The following NBPF8 variants were observed in gnomAD, a reference collection of about 807,000 sequenced individuals.
The protein encoded by NBPF8 is NBPF member 8, also known as NBPF family member NBPF8.
At chr1:120,435,737 G>C (rs1167581532), upstream of NBPF8, among the ~76,000 whole-genome samples, 1 of 151,774 alleles carries the variant, frequency 6.6e-6, no homozygotes, top group African/African-American at 2.4e-5. Context: ...GTGGTGGCGG[G>C]CGCCTGTATT....
chr1:120,450,786 T>C (rs1243090885), intron 11 of NBPF8, among the ~76,000 whole-genome samples: 1 of 152,130 alleles, frequency 6.6e-6, no homozygotes, highest in African/African-American at 2.4e-5. Flanking sequence ...ATCAGTCCCA[T>C]AGTCCTAGGG....
intron 1 of NBPF8, among the ~76,000 whole-genome samples, chr1:120,425,339 T>C (rs1415662225): frequency 6.6e-6 from 1 of 152,152 alleles, no homozygotes; most frequent in Non-Finnish European, 1.5e-5. Flanking sequence ...GCCTTAGGAC[T>C]GGAGGTGGGA....
At chr1:120,428,847 T>C (rs1660791942) in intron 3 of NBPF8, among the ~76,000 whole-genome samples, 1 of 151,724 alleles carries the variant, frequency 6.6e-6, no homozygotes, top group South Asian at 2.1e-4. Flanking sequence ...TAACCCTTTA[T>C]AATACAACTG....
At chr1:120,450,225 A>T (rs1224330540) in intron 11 of NBPF8, among the ~76,000 whole-genome samples, 1 of 151,854 alleles carries the variant, frequency 6.6e-6, no homozygotes, top group African/African-American at 2.4e-5. Context: ...AGACTGTTAA[A>T]AATAATAATA....
At chr1:120,460,488 C>G in intron 17 of NBPF8, 85 bp from the exon 16 acceptor site, 2 of 826,892 alleles carry the variant, frequency 2.4e-6, no homozygotes, top group Non-Finnish European at 4.2e-6. Flanking sequence ...ACTGATGTCC[C>G]TGTGTTAGGA....
intron 13 of NBPF8, among the ~76,000 whole-genome samples, chr1:120,452,770 G>A (rs1212305886): frequency 2.0e-5 from 3 of 151,958 alleles, no homozygotes; most frequent in Non-Finnish European, 2.9e-5. Flanking sequence ...TGCAAGGGTC[G>A]AAGCATTCAA....
chr1:120,464,386 G>C, exon 23 of NBPF8: 1 of 767,696 alleles, frequency 1.3e-6, no homozygotes, highest in Non-Finnish European at 2.4e-6. Flanking sequence ...GCTCAGCAGG[G>C]AGCTGCTGGA....
At chr1:120,467,755 T>A (rs1351634167), downstream of NBPF8, 1 of 152,186 alleles carries the variant, frequency 6.6e-6, no homozygotes, top group African/African-American at 2.4e-5. Context: ...GACTTTTGGA[T>A]TGTTTTTCAC....
upstream of NBPF8, among the ~76,000 whole-genome samples, chr1:120,416,115 G>C (rs1429643501): frequency 6.6e-6 from 1 of 152,000 alleles, no homozygotes; most frequent in Non-Finnish European, 1.5e-5. Flanking sequence ...AAGATCTGCT[G>C]GTAGTGTTTA....
intron 19 of NBPF8, among the ~76,000 whole-genome samples, 200 bp from the exon 18 acceptor site, chr1:120,461,946 A>T (rs1313429126): frequency 2.1e-5 from 2 of 97,142 alleles, no homozygotes; most frequent in African/African-American, 8.8e-5. Context: ...CAGAATAGGG[A>T]ATTTTACCCA....
intron 14 of NBPF8, 114 bp downstream of exon 12, chr1:120,453,558 A>T: frequency 1.0e-6 from 1 of 963,136 alleles, no homozygotes; most frequent in East Asian, 2.3e-5. Flanking sequence ...GCTTAGCCAC[A>T]GTATGTGAAA....
intron 3 of NBPF8, among the ~76,000 whole-genome samples, chr1:120,428,142 TTTG>T (rs1660772249): frequency 6.6e-6 from 1 of 152,008 alleles, no homozygotes; most frequent in African/African-American, 2.4e-5. Context: ...AATATGCAAA[TTTG>T]TTGTCTGTCC....
chr1:120,416,778 C>T (rs199918704), upstream of NBPF8, among the ~76,000 whole-genome samples: 3,675 of 151,850 alleles, frequency 0.024, 34 homozygotes, highest in South Asian at 0.036. Flanking sequence ...TGAACGTTTT[C>T]CCAAAGTGGT....
At chr1:120,415,489 G>A (rs1660408059), upstream of NBPF8, among the ~76,000 whole-genome samples, 1 of 152,194 alleles carries the variant, frequency 6.6e-6, no homozygotes, top group African/African-American at 2.4e-5. Context: ...TCATCTCTTG[G>A]GCGCTGGGGA....
intron 3 of NBPF8, among the ~76,000 whole-genome samples, chr1:120,428,169 AC>A (rs1660773568): frequency 2.6e-5 from 4 of 152,078 alleles, no homozygotes; most frequent in Non-Finnish European, 1.5e-5. Flanking sequence ...CCCTTTATGT[AC>A]ATAGAAAATG....
intron 16 of NBPF8, among the ~76,000 whole-genome samples, chr1:120,457,725 A>AT (rs1231031370): frequency 4.0e-5 from 2 of 50,446 alleles, no homozygotes; most frequent in African/African-American, 4.4e-4. Context: ...GACTTAAAGT[A>AT]TTAAAAAAAA....
chr1:120,429,454 C>T (rs1269836730), intron 3 of NBPF8, among the ~76,000 whole-genome samples: 2 of 152,126 alleles, frequency 1.3e-5, no homozygotes, highest in Admixed American at 6.5e-5. Flanking sequence ...GGAGATGCTG[C>T]ATGGATTTGC....
At chr1:120,424,592 C>T (rs1468213416) in intron 1 of NBPF8, among the ~76,000 whole-genome samples, 19 of 152,170 alleles carry the variant, frequency 1.2e-4, no homozygotes, top group South Asian at 2.1e-4. Flanking sequence ...GGATTACAGG[C>T]GCCTGCCACC....
chr1:120,425,389 T>A (rs1305900475), intron 1 of NBPF8, among the ~76,000 whole-genome samples: 1 of 152,056 alleles, frequency 6.6e-6, no homozygotes, highest in African/African-American at 2.4e-5. Flanking sequence ...CATTGAGATG[T>A]TTCTGTATAT....
Sources: gnomAD v4.1 joint callset for allele counts (sites outside exome capture counted in the v4.1 genomes callset) on GRCh38, gnomAD v4.1.1 for gene constraint, MANE v1.5 for transcripts, NCBI Gene and HGNC (gene_info 2026-07-23, HGNC 2026-07-21) for gene names.